L3MBTL4: variants seen among roughly 807,000 people sequenced by gnomAD.
The protein encoded by L3MBTL4 is lethal(3)malignant brain tumor-like protein 4.
In L3MBTL4, 70 loss-of-function variants were observed where a neutral mutation model predicts 84.5. That is an observed-to-expected ratio of 0.83 (90% CI 0.68 to 1.01). L3MBTL4 has a LOEUF of 1.01. Ranked by LOEUF, L3MBTL4 falls within the 50% of genes least tolerant of loss-of-function variation. The pLI is 0.00. For synonymous variants in L3MBTL4, 274 were observed against 259.8 expected (o/e 1.05, Z -0.52); for missense variants, 715 against 754.8 (o/e 0.95, Z 0.62).
chr18:6,023,820 A>T (rs2055376184), intron 16 of L3MBTL4, among the ~76,000 whole-genome samples: 1 of 152,180 alleles, frequency 6.6e-6, no homozygotes, highest in Non-Finnish European at 1.5e-5. Context: ...GAAGTTTAAA[A>T]CTTAGGTAAT....
chr18:6,315,593 C>G (rs1599603308), intron 1 of L3MBTL4, among the ~76,000 whole-genome samples: 1 of 152,234 alleles, frequency 6.6e-6, no homozygotes, highest in African/African-American at 2.4e-5. Context: ...AGTAACCAGA[C>G]AGTACAATTC....
Position 6,394,234 on chromosome 18 carries a change from G to A in L3MBTL4, c.-91+20567C>T, listed in dbSNP as rs574301812. 1.8e-4 allele frequency among the ~76,000 whole-genome samples: 27 copies of A among 152,232 alleles called. No homozygotes were observed. In the South Asian group the frequency reaches 4.8e-3, roughly 27 times the overall value. The stretch of plus-strand genomic sequence containing the variant: ...TGTAATCCCAGCACTTTGGGAGACC[G>A]AGTTGGGCAGATCACCTGAGGTCAG... On this transcript the variant is annotated intron_variant, in intron 1 of 18. Transcript: ENST00000317931.
At chr18:6,158,141 GT>G (rs1181569558) in intron 13 of L3MBTL4, among the ~76,000 whole-genome samples, 1 of 152,160 alleles carries the variant, frequency 6.6e-6, no homozygotes, top group Non-Finnish European at 1.5e-5. Flanking sequence ...ATAGACAAAT[GT>G]TTTTTGGAAG....
intron 1 of L3MBTL4, among the ~76,000 whole-genome samples, chr18:6,379,009 T>A (rs1342087879): frequency 6.6e-6 from 1 of 152,346 alleles, no homozygotes; most frequent in South Asian, 2.1e-4. Context: ...CAGTGGTTTG[T>A]AGTTCTCCTT....
intron 4 of L3MBTL4, among the ~76,000 whole-genome samples, chr18:6,265,783 G>T (rs1281574615): frequency 1.3e-5 from 2 of 152,190 alleles, no homozygotes; most frequent in Non-Finnish European, 2.9e-5. Flanking sequence ...TTGAAGCAGT[G>T]CTTAGAAAGG....
intron 10 of L3MBTL4, among the ~76,000 whole-genome samples, chr18:6,224,930 G>GA (rs377208722): frequency 0.015 from 2,225 of 143,802 alleles, 15 homozygotes; most frequent in South Asian, 0.023. Context: ...AAGGAAATTC[G>GA]AAAAAAAAAA....
chr18:6,032,848 C>T (rs1470749926), intron 16 of L3MBTL4, among the ~76,000 whole-genome samples: 3 of 152,150 alleles, frequency 2.0e-5, no homozygotes, highest in African/African-American at 4.8e-5. Flanking sequence ...ACAGTTCATC[C>T]GTTTTGTAGC....
chr18:6,052,011 A>G lies in L3MBTL4; in HGVS notation c.1444+28870T>C, dbSNP rs116462103. Among the ~76,000 whole-genome samples, 1,357 of 152,260 alleles carry G rather than the reference A, an allele frequency of 8.9e-3. 17 individuals carry two copies. The highest frequency in any genetic ancestry group is 0.032 in the African/African-American group (1,312 of 41,548). ...CAACATTGATGGTGCGTCTTTGGCTATTGAGCTCTGAGGTGTTTCCCTTGC... is the reference window on the plus strand; with the variant it reads ...CAACATTGATGGTGCGTCTTTGGCTGTTGAGCTCTGAGGTGTTTCCCTTGC... On this transcript the variant is annotated intron_variant, in intron 16 of 18. Coordinates refer to ENST00000317931, the MANE Select transcript of L3MBTL4 (RefSeq NM_001330559.2).
intron 1 of L3MBTL4, among the ~76,000 whole-genome samples, chr18:6,381,804 C>T (rs886167419): frequency 1.2e-4 from 19 of 152,130 alleles, no homozygotes; most frequent in African/African-American, 3.1e-4. Context: ...CTGACAATTA[C>T]GTGTCTTGGA....
chr18:6,094,477 C>G (rs994369629), intron 14 of L3MBTL4, among the ~76,000 whole-genome samples: 4 of 152,158 alleles, frequency 2.6e-5, no homozygotes, highest in African/African-American at 9.7e-5. Flanking sequence ...AACACACACA[C>G]ATCATGAAAT....
intron 16 of L3MBTL4, among the ~76,000 whole-genome samples, chr18:6,004,892 C>T (rs1421994392): frequency 6.7e-6 from 1 of 148,898 alleles, no homozygotes; most frequent in African/African-American, 2.5e-5. Flanking sequence ...GTTTCAGTTT[C>T]AGGTGATGAC....
At chr18:6,303,194 C>T (rs1024331840) in intron 3 of L3MBTL4, among the ~76,000 whole-genome samples, 4 of 151,982 alleles carry the variant, frequency 2.6e-5, no homozygotes, top group East Asian at 3.9e-4. Context: ...GGCACAATCT[C>T]GGCTCACTGC....
chr18:6,396,295 G>C (rs2055265766), intron 1 of L3MBTL4: 1 of 152,258 alleles, frequency 6.6e-6, no homozygotes, highest in African/African-American at 2.4e-5. Context: ...ATGTAGACTA[G>C]TCTGACTTCT....
intron 3 of L3MBTL4, among the ~76,000 whole-genome samples, chr18:6,302,569 A>T (rs1568460776): frequency 6.6e-6 from 1 of 152,234 alleles, no homozygotes; most frequent in Non-Finnish European, 1.5e-5. Context: ...ACCATTCAAC[A>T]AAGACTAGGA....
intron 3 of L3MBTL4, among the ~76,000 whole-genome samples, chr18:6,304,839 G>A (rs904715405): frequency 6.6e-6 from 1 of 152,190 alleles, no homozygotes; most frequent in Admixed American, 6.5e-5. Context: ...GCATTCGAGA[G>A]TTGATTATGT....
At chr18:6,283,333 A>T (rs2049406804) in intron 4 of L3MBTL4, among the ~76,000 whole-genome samples, 1 of 152,238 alleles carries the variant, frequency 6.6e-6, no homozygotes, top group Non-Finnish European at 1.5e-5. Flanking sequence ...AAGAGGCTTC[A>T]GGAAAGGCTT....
At chr18:6,356,326 G>A (rs1340324412) in intron 1 of L3MBTL4, among the ~76,000 whole-genome samples, 1 of 152,288 alleles carries the variant, frequency 6.6e-6, no homozygotes, top group South Asian at 2.1e-4. Context: ...ACAGAGTTAC[G>A]GCATTCTGCC....
intron 4 of L3MBTL4, among the ~76,000 whole-genome samples, chr18:6,296,380 C>A (rs2050110611): frequency 2.0e-5 from 3 of 152,238 alleles, no homozygotes; most frequent in African/African-American, 7.2e-5. Context: ...TGGACTGATT[C>A]TATGCCTTCT....
chr18:6,131,784 C>G (rs1286159622), intron 14 of L3MBTL4, among the ~76,000 whole-genome samples: 2 of 152,278 alleles, frequency 1.3e-5, no homozygotes, highest in Admixed American at 6.5e-5. Context: ...TCAAAAGATA[C>G]TATCCAAGGT....
Sources: gnomAD v4.1 joint callset for allele counts (sites outside exome capture counted in the v4.1 genomes callset) on GRCh38, gnomAD v4.1.1 for gene constraint, MANE v1.5 for transcripts, NCBI Gene and HGNC (gene_info 2026-07-23, HGNC 2026-07-21) for gene names.